Variants in IQSEC1 observed in about 807,000 individuals in gnomAD.
The protein encoded by IQSEC1 is IQ motif and SEC7 domain-containing protein 1.
IQSEC1 carries 31 observed loss-of-function variants against 91.0 expected under a neutral mutation model. The ratio of observed to expected loss-of-function variants is 0.34; its 90% CI spans 0.26 to 0.46. IQSEC1 has a LOEUF of 0.46. Among genes scored for constraint, IQSEC1 ranks in the 20% least tolerant of loss-of-function variants. The probability of loss-of-function intolerance (pLI) is 1.00; values close to 1 mark genes in which losing one functional copy is unlikely to be tolerated. For synonymous variants in IQSEC1, 699 were observed against 662.6 expected, an observed-to-expected ratio of 1.05 and a Z score of -0.84; for missense variants, 1,388 against 1,575.6, an observed-to-expected ratio of 0.88 and a Z score of 2.02.
intron 1 of IQSEC1, among the ~76,000 whole-genome samples, chr3:13,042,083 C>G (rs1704294051): frequency 6.6e-6 from 1 of 152,242 alleles, no homozygotes; most frequent in South Asian, 2.1e-4. Context: ...AGAAACTCTA[C>G]CAGTTTCAGG....
At chr3:13,104,067 A>G (rs1706106910) in intron 2 of IQSEC1, among the ~76,000 whole-genome samples, 1 of 152,140 alleles carries the variant, frequency 6.6e-6, no homozygotes, top group African/African-American at 2.4e-5. Flanking sequence ...AACCCAGGCC[A>G]TCTGTCTCTA....
intron 13 of IQSEC1, among the ~76,000 whole-genome samples, chr3:12,901,854 A>C (rs770513157): frequency 1.3e-5 from 2 of 151,968 alleles, no homozygotes; most frequent in Non-Finnish European, 2.9e-5. Context: ...TCAAATTGGA[A>C]CCCCTAGGTT....
intron 2 of IQSEC1, among the ~76,000 whole-genome samples, chr3:12,939,707 C>T (rs1698576035): frequency 1.3e-5 from 2 of 152,324 alleles, no homozygotes; most frequent in East Asian, 1.9e-4. Flanking sequence ...GCAGCCTTTA[C>T]ATCAGCTGTT....
intron 2 of IQSEC1, among the ~76,000 whole-genome samples, chr3:13,123,424 G>A (rs1254999416): frequency 6.6e-6 from 1 of 152,242 alleles, no homozygotes; most frequent in Non-Finnish European, 1.5e-5. Context: ...GGTGGCCTGT[G>A]GCTACAGGGG....
Position 12,900,035 on chromosome 3 carries a change from G to A in IQSEC1, c.*948C>T. 1 of 985,368 alleles carries A rather than the reference G, an allele frequency of 1.0e-6. No homozygotes were observed. The allele number at this position is 985,368 out of a possible 1,614,324, so 61.0% of individuals were successfully genotyped here. A position where few individuals can be genotyped will look rare whatever the true frequency, so the allele number is the denominator to read the frequency against. ...GTGTCTAAGAATCCGTGTAACCAAT[G>A]TCCTAAGACAACCAGCTTGTAACCA... On this transcript the variant is annotated 3_prime_UTR_variant, in exon 14 of 14. Transcript: ENST00000613206.
intron 1 of IQSEC1, among the ~76,000 whole-genome samples, chr3:13,246,735 C>T (rs374885510): frequency 2.6e-5 from 4 of 152,114 alleles, no homozygotes; most frequent in Non-Finnish European, 5.9e-5. Flanking sequence ...GTGGCTGATG[C>T]AGGAATGGGT....
At chr3:12,905,785 A>G (rs1294208109) in intron 12 of IQSEC1, among the ~76,000 whole-genome samples, 2 of 152,232 alleles carry the variant, frequency 1.3e-5, no homozygotes, top group Non-Finnish European at 2.9e-5. Flanking sequence ...TCCTCTCCGT[A>G]AGGACTCAGA....
chr3:13,168,383 T>C (rs1184057888), intron 1 of IQSEC1, among the ~76,000 whole-genome samples: 1 of 152,228 alleles, frequency 6.6e-6, no homozygotes, highest in African/African-American at 2.4e-5. Flanking sequence ...TCCATTTTTT[T>C]ATACAGTGGA....
At position 13,103,285 on chromosome 3, in the gene IQSEC1, C is replaced by T. The variant is rs1706094306; in HGVS notation, c.303-55763G>A. On this transcript the variant is annotated intron_variant, in intron 2 of 15. Coordinates refer to the IQSEC1 transcript ENST00000648114. The surrounding 1 kb of genome is among the most constrained non-coding windows in gnomAD (Gnocchi z 4.1). ...CAGATCAATAGCTTCCACTGGTTTC[C>T]AATTTGTGTTTCCAGAAATTCATCT... is the stretch of plus-strand genomic sequence containing the variant. Among the ~76,000 whole-genome samples the T allele has an allele frequency of 6.6e-6, 1 of 152,176 alleles. No homozygotes were observed. The highest frequency in any genetic ancestry group is 3.4e-3 in the Middle Eastern group (1 of 294).
At chr3:13,001,548 G>A (rs1008605164) in intron 1 of IQSEC1, among the ~76,000 whole-genome samples, 10 of 152,206 alleles carry the variant, frequency 6.6e-5, no homozygotes, top group Admixed American at 5.2e-4. Context: ...AGGCAGCCAC[G>A]AACATCAGGG....
intron 1 of IQSEC1, among the ~76,000 whole-genome samples, chr3:13,197,676 G>A (rs1694159983): frequency 6.6e-6 from 1 of 152,220 alleles, no homozygotes; most frequent in African/African-American, 2.4e-5. Context: ...CTTACGACCA[G>A]CAGAGTGGTT....
intron 2 of IQSEC1, among the ~76,000 whole-genome samples, chr3:13,086,193 T>G (rs1412707985): frequency 6.6e-6 from 1 of 152,226 alleles, no homozygotes; most frequent in African/African-American, 2.4e-5. Context: ...AAGGGGCTGC[T>G]GACTCTGAGT....
chr3:13,270,594 T>G (rs1576317890), intron 1 of IQSEC1, among the ~76,000 whole-genome samples: 1 of 152,216 alleles, frequency 6.6e-6, no homozygotes, highest in Non-Finnish European at 1.5e-5. Context: ...GATAAATTCA[T>G]GTGGGAGGTT....
Position 13,282,593 on chromosome 3 carries a change from CG to C in IQSEC1, c.272+117del, listed in dbSNP as rs958353001. Among the ~76,000 whole-genome samples, 75 of 151,928 alleles carry C rather than the reference CG, an allele frequency of 4.9e-4. No homozygotes were observed. Among genetic ancestry groups the C allele is most frequent in the Non-Finnish European group, 9.3e-4 (63 of 67,814 alleles). On this transcript the variant is annotated intron_variant, in intron 1 of 15. Coordinates refer to the IQSEC1 transcript ENST00000648114. This position sits in a 1 kb window ranked among gnomAD's most constrained non-coding sequence, Gnocchi z 6.4. ...GTCTGGCGGCGGGTGTGGGCGCTCC[CG>C]GGCCGGCCACGCGCCCTCCCGCACC...
At chr3:13,004,381 G>A (rs1242190452) in intron 1 of IQSEC1, among the ~76,000 whole-genome samples, 1 of 152,218 alleles carries the variant, frequency 6.6e-6, no homozygotes, top group Non-Finnish European at 1.5e-5. Flanking sequence ...CAGGTGTTGA[G>A]ATGCAGCTGG....
At position 13,264,398 on chromosome 3, in the gene IQSEC1, C is replaced by T. The variant is rs538773077; in HGVS notation, c.272+18313G>A. ...CAGAAGGGCGGACACGGTGAAAACA[C>T]GCCCCGCTGCCTGCTCTCCTGGGTC... On this transcript the variant is annotated intron_variant, in intron 1 of 15. Transcript: ENST00000648114. 2.8e-4 allele frequency among the ~76,000 whole-genome samples: 43 copies of T among 152,334 alleles called. 3 individuals carry two copies. In the South Asian group the frequency reaches 4.6e-3, roughly 16 times the overall value.
intron 2 of IQSEC1, among the ~76,000 whole-genome samples, chr3:13,084,830 C>A (rs1039432397): frequency 9.9e-5 from 15 of 152,204 alleles, no homozygotes; most frequent in African/African-American, 3.6e-4. Context: ...CCTGCTCAGA[C>A]CCTGTCTGGG....
At chr3:13,084,341 A>C (rs1000565291) in intron 2 of IQSEC1, among the ~76,000 whole-genome samples, 2 of 152,118 alleles carry the variant, frequency 1.3e-5, no homozygotes, top group African/African-American at 2.4e-5. Context: ...ATCCCCCCTG[A>C]CATACTCAGC....
In IQSEC1 at chr3:13,160,574, T is replaced by C. The variant is rs866259922; in HGVS notation, c.302+3530A>G. ...ACTGATTTTTCAAGTGCAGAATCTC[T>C]GCCCATTAATTTTAGTGAGTGTTTG... On this transcript the variant is annotated intron_variant, in intron 2 of 15. Transcript: ENST00000648114. Among the ~76,000 whole-genome samples, 74 of 152,356 alleles carry C rather than the reference T, an allele frequency of 4.9e-4. 1 individual carries two copies. In the Middle Eastern group the frequency reaches 0.014, roughly 28 times the overall value.
Sources: gnomAD v4.1 joint callset for allele counts (sites outside exome capture counted in the v4.1 genomes callset) on GRCh38, gnomAD v4.1.1 for gene constraint, Gnocchi (gnomAD v3.1) non-coding constraint, MANE v1.5 for transcripts, NCBI Gene and HGNC (gene_info 2026-07-23, HGNC 2026-07-21) for gene names.